Variants in PHACTR1 observed in about 807,000 individuals in gnomAD.
PHACTR1 encodes the protein RPEL repeat containing 1.
In PHACTR1, 16 loss-of-function variants were observed where a neutral mutation model predicts 69.2. That is an observed-to-expected ratio of 0.23 (90% CI 0.16 to 0.35). The LOEUF (loss-of-function observed/expected upper bound fraction) is 0.35, where lower values mean the gene tolerates loss of function less well. Ranked by LOEUF, PHACTR1 falls within the 10% of genes least tolerant of loss-of-function variation. The probability of loss-of-function intolerance (pLI) is 1.00; values close to 1 mark genes in which losing one functional copy is unlikely to be tolerated. For synonymous variants in PHACTR1, 312 were observed against 284.5 expected (o/e 1.10, Z -0.97); for missense variants, 510 against 734.7 (o/e 0.69, Z 3.54).
intron 4 of PHACTR1, among the ~76,000 whole-genome samples, chr6:12,907,196 C>A (rs1785836778): frequency 6.6e-6 from 1 of 152,166 alleles, no homozygotes; most frequent in Non-Finnish European, 1.5e-5. Flanking sequence ...TTACAAAATT[C>A]TCTTTGGTTA....
intron 4 of PHACTR1, among the ~76,000 whole-genome samples, chr6:13,032,946 T>G (rs1303608966): frequency 6.6e-6 from 1 of 152,190 alleles, no homozygotes; most frequent in Non-Finnish European, 1.5e-5. Flanking sequence ...ATTTTTAGTT[T>G]TGGTCAAAAT....
At chr6:13,231,010 A>C (rs543440794) in intron 10 of PHACTR1, among the ~76,000 whole-genome samples, 11 of 147,828 alleles carry the variant, frequency 7.4e-5, no homozygotes, top group Non-Finnish European at 1.5e-4. Flanking sequence ...AGAGAGAGAG[A>C]GAGAGAAGGA....
rs1197968888 is a variant in PHACTR1, at chr6:13,019,338, C to G, written c.251-34027C>G. ...CCCCTACTCTTGTATTATGTTAAAG[C>G]AAATTTGAGTGAGTTTTTACGATGC... On this transcript the variant is annotated intron_variant, in intron 4 of 14. Coordinates refer to ENST00000332995, the MANE Select transcript of PHACTR1 (RefSeq NM_030948.6). Among the ~76,000 whole-genome samples the G allele has an allele frequency of 2.0e-5, 3 of 152,174 alleles. No homozygotes were observed. The East Asian group carries it at 5.8e-4, about 29-fold the overall frequency.
intron 4 of PHACTR1, among the ~76,000 whole-genome samples, chr6:12,871,894 C>T (rs1782064654): frequency 1.3e-5 from 2 of 151,934 alleles, no homozygotes; most frequent in Non-Finnish European, 2.9e-5. Context: ...AACATTCCCT[C>T]ATCAAACATT....
intron 4 of PHACTR1, among the ~76,000 whole-genome samples, chr6:12,987,004 C>T (rs1402965843): frequency 5.3e-5 from 8 of 152,052 alleles, no homozygotes. Flanking sequence ...GTCATCTGTG[C>T]ATTTTTTACA....
chr6:13,265,749 G>A (rs1249709218), intron 10 of PHACTR1, among the ~76,000 whole-genome samples: 1 of 152,132 alleles, frequency 6.6e-6, no homozygotes, highest in African/African-American at 2.4e-5. Context: ...TTGCTTCCAT[G>A]ATATGACATT....
At chr6:13,226,890 A>G (rs1482532038) in intron 8 of PHACTR1, among the ~76,000 whole-genome samples, 1 of 152,018 alleles carries the variant, frequency 6.6e-6, no homozygotes, top group Non-Finnish European at 1.5e-5. Context: ...GGTGCGTGCC[A>G]CCACACCCAG....
chr6:13,054,320 C>T (rs1806445152), intron 5 of PHACTR1, among the ~76,000 whole-genome samples: 1 of 152,186 alleles, frequency 6.6e-6, no homozygotes, highest in African/African-American at 2.4e-5. Context: ...AAATGTGCTA[C>T]AGGGAAAGAC....
In PHACTR1 at chr6:13,283,383, C is replaced by A; in HGVS notation, c.1510-39C>A. ...ACAGGACCAAGTGCCATGGTCAACCCTTCTGGCTGACTGGGTCCATCTCTC... is the reference window on the plus strand; with the variant it reads ...ACAGGACCAAGTGCCATGGTCAACCATTCTGGCTGACTGGGTCCATCTCTC... On this transcript the variant is annotated intron_variant, in intron 12 of 14. Coordinates refer to ENST00000332995, the MANE Select transcript of PHACTR1 (RefSeq NM_030948.6). This position sits in a 1 kb window ranked among gnomAD's most constrained non-coding sequence, Gnocchi z 4.7. 6.2e-7 allele frequency: 1 copy of A among 1,609,134 alleles called. No individual in the cohort carries two copies. Among genetic ancestry groups the A allele is most frequent in the African/African-American group, 1.3e-5 (1 of 74,982 alleles).
chr6:12,970,136 A>G (rs1794014321), intron 4 of PHACTR1, among the ~76,000 whole-genome samples: 1 of 152,214 alleles, frequency 6.6e-6, no homozygotes, highest in Admixed American at 6.5e-5. Context: ...TGCACCTCTA[A>G]GAAGCTGAAT....
intron 8 of PHACTR1, among the ~76,000 whole-genome samples, chr6:13,227,310 C>T (rs549330412): frequency 5.3e-5 from 8 of 152,296 alleles, no homozygotes; most frequent in Admixed American, 2.0e-4. Flanking sequence ...CCCTATTAGT[C>T]GCCCTGTGTA....
intron 5 of PHACTR1, among the ~76,000 whole-genome samples, chr6:13,109,870 GT>G: frequency 6.7e-6 from 1 of 149,268 alleles, no homozygotes. Context: ...GTGTCTGTGT[GT>G]TTCAGTTTGG....
At chr6:13,230,545 C>CAAAA (rs59473759) in intron 10 of PHACTR1, 2 of 93,772 alleles carry the variant, frequency 2.1e-5, no homozygotes, top group South Asian at 2.9e-4. Flanking sequence ...GACTCTGTCT[C>CAAAA]AAAAAAAAAA....
At chr6:12,871,210 G>T (rs1781990255) in intron 4 of PHACTR1, among the ~76,000 whole-genome samples, 6 of 152,138 alleles carry the variant, frequency 3.9e-5, no homozygotes, top group African/African-American at 1.4e-4. Context: ...AGAATGTGTT[G>T]GTATTTGCTC....
intron 4 of PHACTR1, among the ~76,000 whole-genome samples, chr6:12,944,752 G>GAATT (rs1444182371): frequency 8.7e-5 from 12 of 137,936 alleles, no homozygotes; most frequent in African/African-American, 1.2e-4. Context: ...GTCACCTTTT[G>GAATT]AATTATTTAT....
chr6:12,836,303 A>G (rs552758745), intron 4 of PHACTR1, among the ~76,000 whole-genome samples: 1 of 152,248 alleles, frequency 6.6e-6, no homozygotes, highest in South Asian at 2.1e-4. Context: ...AGGACAAATG[A>G]TGGAATAAGA....
chr6:12,939,038 C>G (rs948535656), intron 4 of PHACTR1, among the ~76,000 whole-genome samples: 1 of 152,182 alleles, frequency 6.6e-6, no homozygotes, highest in Admixed American at 6.5e-5. Context: ...ATCTTGGTAT[C>G]AAGCCCATAC....
chr6:12,916,966 T>C (rs899693516), intron 4 of PHACTR1, among the ~76,000 whole-genome samples: 12 of 152,198 alleles, frequency 7.9e-5, no homozygotes, highest in Non-Finnish European at 1.6e-4. Context: ...AAGGATACTG[T>C]AGTGCTTCAC....
intron 4 of PHACTR1, among the ~76,000 whole-genome samples, chr6:12,978,440 G>A (rs1795138151): frequency 6.6e-6 from 1 of 152,144 alleles, no homozygotes; most frequent in Non-Finnish European, 1.5e-5. Context: ...CGCAGTCAGG[G>A]CTCGCCTACC....
Sources: gnomAD v4.1 joint callset for allele counts (sites outside exome capture counted in the v4.1 genomes callset) on GRCh38, gnomAD v4.1.1 for gene constraint, Gnocchi (gnomAD v3.1) non-coding constraint, MANE v1.5 for transcripts, NCBI Gene and HGNC (gene_info 2026-07-23, HGNC 2026-07-21) for gene names.